The following MED12L variants were observed in gnomAD, a reference collection of about 807,000 sequenced individuals.
MED12L encodes mediator of RNA polymerase II transcription subunit 12-like protein.
In MED12L, 60 loss-of-function variants were observed where a neutral mutation model predicts 281.3. That is an observed-to-expected ratio of 0.21 (90% CI 0.17 to 0.26). MED12L has a LOEUF of 0.26. MED12L is among the 10% of genes least tolerant of loss of function. MED12L has a pLI of 1.00. For synonymous variants in MED12L, 974 were observed against 987.2 expected, an observed-to-expected ratio of 0.99 and a Z score of 0.25; for missense variants, 2,146 against 2,680.9, an observed-to-expected ratio of 0.80 and a Z score of 4.41.
At chr3:151,313,066 T>TA (rs1747760608) in intron 16 of MED12L, among the ~76,000 whole-genome samples, 1 of 152,174 alleles carries the variant, frequency 6.6e-6, no homozygotes, top group African/African-American at 2.4e-5. Context: ...TTTGAGCAGA[T>TA]ATGTGCTGTC....
At chr3:151,370,507 C>T (rs1461168381) in intron 26 of MED12L, among the ~76,000 whole-genome samples, 4 of 152,166 alleles carry the variant, frequency 2.6e-5, no homozygotes, top group Admixed American at 1.3e-4. Context: ...GATACACACA[C>T]GGGCCTGTGA....
intron 11 of MED12L, among the ~76,000 whole-genome samples, chr3:151,166,970 G>A (rs1434838947): frequency 2.0e-5 from 3 of 152,048 alleles, no homozygotes; most frequent in South Asian, 2.1e-4. Context: ...CACCGCACCC[G>A]GCCGGGACCT....
At chr3:151,414,424 A>G (rs1717320708) in intron 42 of MED12L, among the ~76,000 whole-genome samples, 1 of 152,244 alleles carries the variant, frequency 6.6e-6, no homozygotes, top group Admixed American at 6.5e-5. Context: ...GTATGAGGTC[A>G]GTGAGAAGTA....
rs982523412 is a variant in MED12L at position 151,433,701 on chromosome 3, C to T, written c.*897C>T. 3.3e-5 allele frequency: 5 copies of T among 152,646 alleles called. No individual in the cohort carries two copies. The highest frequency in any genetic ancestry group is 5.9e-5 in the Non-Finnish European group (4 of 68,048). The allele number at this position is 152,646 out of a possible 1,614,324, so 9.5% of individuals were successfully genotyped here. A position where few individuals can be genotyped will look rare whatever the true frequency, so the allele number is the denominator to read the frequency against. ...AAAATCCAGTAGCTGGCTTGAGATT[C>T]CAGTGCTCACACTTGACATGGTTTC... On this transcript the variant is annotated 3_prime_UTR_variant, in exon 45 of 45. Coordinates refer to ENST00000687756, the MANE Select transcript of MED12L (RefSeq NM_001393769.1).
At chr3:151,202,372 T>C (rs1241750248) in intron 16 of MED12L, among the ~76,000 whole-genome samples, 6 of 152,300 alleles carry the variant, frequency 3.9e-5, no homozygotes, top group African/African-American at 1.4e-4. Context: ...GCCCATTGCT[T>C]AGAAAATAAA....
intron 26 of MED12L, among the ~76,000 whole-genome samples, chr3:151,370,960 C>G (rs543150768): frequency 6.6e-6 from 1 of 152,306 alleles, no homozygotes; most frequent in Admixed American, 6.5e-5. Context: ...AAGTCAGGAT[C>G]AGGTCAGTTT....
chr3:151,413,026 G>T (rs541400917), intron 41 of MED12L, 113 bp from the exon 42 acceptor site: 3 of 1,238,260 alleles, frequency 2.4e-6, no homozygotes, highest in Non-Finnish European at 3.4e-6. Context: ...ATTGTGCAAA[G>T]GATTATTGAG....
chr3:151,345,608 C>T (rs1752438537), intron 16 of MED12L, among the ~76,000 whole-genome samples: 1 of 150,346 alleles, frequency 6.7e-6, no homozygotes, highest in South Asian at 2.1e-4. Context: ...ACCTCTGCCT[C>T]CCAGGTTCAA....
At chr3:151,281,432 A>G (rs11920315) in intron 16 of MED12L, among the ~76,000 whole-genome samples, 8,723 of 151,936 alleles carry the variant, frequency 0.057, 854 homozygotes, top group African/African-American at 0.2. Flanking sequence ...TAAAAAATAA[A>G]AAGATATTTT....
At chr3:151,426,970 C>CGTGGTG (rs1406323690) in intron 43 of MED12L, among the ~76,000 whole-genome samples, 2 of 152,108 alleles carry the variant, frequency 1.3e-5, no homozygotes, top group Admixed American at 1.3e-4. Context: ...GCATGCACCA[C>CGTGGTG]CATGCCTGGC....
At chr3:151,370,041 A>G (rs556264140) in intron 26 of MED12L, among the ~76,000 whole-genome samples, 1 of 152,308 alleles carries the variant, frequency 6.6e-6, no homozygotes, top group South Asian at 2.1e-4. Flanking sequence ...TGACCCAGGC[A>G]ATAGTTGCAA....
At chr3:151,325,646 C>T (rs866837263) in intron 16 of MED12L, among the ~76,000 whole-genome samples, 2 of 152,164 alleles carry the variant, frequency 1.3e-5, no homozygotes, top group Non-Finnish European at 2.9e-5. Flanking sequence ...ACAGATCAGG[C>T]ACTCTGCCTT....
intron 5 of MED12L, among the ~76,000 whole-genome samples, chr3:151,133,346 T>C (rs901194559): frequency 1.3e-5 from 2 of 152,122 alleles, no homozygotes; most frequent in African/African-American, 4.8e-5. Flanking sequence ...GAGTTACAGA[T>C]CTCAAATGTA....
intron 16 of MED12L, among the ~76,000 whole-genome samples, chr3:151,293,638 T>TACACACACACACACAC (rs199892582): frequency 1.4e-4 from 14 of 99,746 alleles, no homozygotes; most frequent in African/African-American, 5.1e-4. Context: ...ATGAAGCCCT[T>TACACACACACACACAC]ACACACACAC....
At chr3:151,095,032 C>G (rs547561725) in intron 2 of MED12L, among the ~76,000 whole-genome samples, 1 of 152,340 alleles carries the variant, frequency 6.6e-6, no homozygotes, top group Admixed American at 6.5e-5. Context: ...AGCTCCACGA[C>G]TTGAACAGTG....
Position 151,198,341 on chromosome 3 carries a change from TG to T in MED12L, c.2250+4676del, listed in dbSNP as rs765932023. ...TATTTTTTCATACTGAGTTTTTTTT[TG>T]TTTTTTTTTTTTTTATCTTTCAAAG... On this transcript the variant is annotated intron_variant, in intron 16 of 44. Coordinates refer to ENST00000687756, the MANE Select transcript of MED12L (RefSeq NM_001393769.1). The T allele has an allele frequency of 2.0e-3, 1,840 of 924,272 alleles. 10 individuals carry two copies. Among genetic ancestry groups the T allele is most frequent in the Non-Finnish European group, 2.3e-3 (1,535 of 668,992 alleles). The allele number at this position is 924,272 out of a possible 1,614,324, so 57.3% of individuals were successfully genotyped here. A position where few individuals can be genotyped will look rare whatever the true frequency, so the allele number is the denominator to read the frequency against.
At chr3:151,087,048 C>G (rs144250947) in intron 2 of MED12L, 23 bp downstream of exon 2, 26,942 of 1,580,052 alleles carry the variant, frequency 0.017, 702 homozygotes, top group East Asian at 0.15. Context: ...GCGGCCTCCC[C>G]GGCAACCGGG....
intron 43 of MED12L, among the ~76,000 whole-genome samples, chr3:151,423,908 G>A (rs918743662): frequency 3.3e-5 from 5 of 152,102 alleles, no homozygotes; most frequent in African/African-American, 9.7e-5. Context: ...CCTTGTGTCC[G>A]TTTCATATTA....
At chr3:151,144,950 T>G (rs1047836066) in intron 5 of MED12L, among the ~76,000 whole-genome samples, 3 of 152,202 alleles carry the variant, frequency 2.0e-5, no homozygotes, top group African/African-American at 7.2e-5. Flanking sequence ...GGTTACTTCC[T>G]CCTTTTTTGT....
Sources: allele counts gnomAD v4.1 joint callset (sites outside exome capture counted in the v4.1 genomes callset), GRCh38; gene constraint gnomAD v4.1.1; transcripts MANE v1.5; gene names NCBI Gene and HGNC (gene_info 2026-07-23, HGNC 2026-07-21).